The following BANP variants were observed in gnomAD, a reference collection of about 807,000 sequenced individuals.
The protein encoded by BANP is BTG3 associated nuclear protein.
A neutral mutation model predicts 68.1 loss-of-function variants in BANP; 11 were observed. The ratio of observed to expected loss-of-function variants is 0.16; its 90% CI spans 0.10 to 0.27. The LOEUF (loss-of-function observed/expected upper bound fraction) is 0.27, where lower values mean the gene tolerates loss of function less well. Ranked by LOEUF, BANP falls within the 10% of genes least tolerant of loss-of-function variation. The pLI is 1.00. For missense variants in BANP, 504 were observed against 722.7 expected (o/e 0.70, Z 3.47); for synonymous variants, 329 against 303.2 (o/e 1.09, Z -0.88).
chr16:87,985,918 A>T (rs2064298531), intron 4 of BANP, among the ~76,000 whole-genome samples: 1 of 152,220 alleles, frequency 6.6e-6, no homozygotes, highest in African/African-American at 2.4e-5. Context: ...GACTGTGCAA[A>T]AATGTTTTGT....
rs935046822 is a variant in BANP, at chr16:87,957,668, T to C, written c.-69+6153T>C. 6.6e-6 allele frequency among the ~76,000 whole-genome samples: 1 copy of C among 152,272 alleles called. No individual in the cohort carries two copies. ...ATATCTGGAAGCAAAGCTTAATCTT[T>C]CTGAAAGTAGAAACGCGTTTGGATG... On this transcript the variant is annotated intron_variant, in intron 1 of 13. Coordinates refer to ENST00000682872, the MANE Select transcript of BANP (RefSeq NM_001386991.1). The surrounding 1 kb of genome is among the most constrained non-coding windows in gnomAD (Gnocchi z 4.3).
intron 11 of BANP, among the ~76,000 whole-genome samples, chr16:88,040,435 G>A (rs2080472725): frequency 6.6e-6 from 1 of 152,050 alleles, no homozygotes; most frequent in Non-Finnish European, 1.5e-5. Context: ...CCCGAGCAGT[G>A]CGGGGGTCAC....
At position 88,003,904 on chromosome 16, in the gene BANP, G is replaced by A. The variant is rs2070175366; in HGVS notation, c.363-391G>A. ...GAGTTGGGATGGAGTGACTGAAAAT[G>A]TCAAGCCAGTTCTCATGCAAGTGTG... On this transcript the variant is annotated intron_variant, in intron 4 of 13. Transcript: ENST00000682872. This position sits in a 1 kb window ranked among gnomAD's most constrained non-coding sequence, Gnocchi z 6.1. 3.3e-6 allele frequency: 1 copy of A among 299,880 alleles called. No individual in the cohort carries two copies. The highest frequency in any genetic ancestry group is 6.4e-6 in the Non-Finnish European group (1 of 155,074). 18.6% of individuals were successfully genotyped at this position (299,880 alleles called of 1,614,324 possible).
At chr16:87,992,111 C>G (rs186013193) in intron 4 of BANP, among the ~76,000 whole-genome samples, 1 of 152,110 alleles carries the variant, frequency 6.6e-6, no homozygotes, top group Non-Finnish European at 1.5e-5. Flanking sequence ...CTGTATCTTC[C>G]GAGATGATGG....
chr16:87,983,350 A>G (rs925763594), intron 3 of BANP, among the ~76,000 whole-genome samples: 3 of 152,050 alleles, frequency 2.0e-5, no homozygotes, highest in African/African-American at 4.8e-5. Context: ...ACACGTTTCC[A>G]CGTGTGCTCA....
At chr16:87,981,920 A>G (rs999072948) in intron 3 of BANP, among the ~76,000 whole-genome samples, 4 of 152,276 alleles carry the variant, frequency 2.6e-5, no homozygotes, top group African/African-American at 9.6e-5. Flanking sequence ...CGAGGTAAAT[A>G]TCGGCACATG....
At chr16:87,960,966 A>G (rs1365311958) in intron 1 of BANP, among the ~76,000 whole-genome samples, 1 of 152,204 alleles carries the variant, frequency 6.6e-6, no homozygotes, top group Non-Finnish European at 1.5e-5. Context: ...CTCCCAATAA[A>G]TCAGATGCCA....
At position 88,033,222 on chromosome 16, in the gene BANP, G is replaced by C; in HGVS notation, c.1177G>C (p.Gly393Arg). 1.2e-6 allele frequency: 2 copies of C among 1,606,238 alleles called. No homozygotes were observed. Among genetic ancestry groups the C allele is most frequent in the Non-Finnish European group, 1.7e-6 (2 of 1,174,382 alleles). ...NAQQVQIHQI[G>R]EDGQVQVIPQ... ...ACAGCAGGTGCAGATCCACCAGATC[G>C]GAGAAGACGGACAGGTGCAAGTAGT... The change falls in exon 9 of 14, where the codon GGA becomes CGA. Residue 393 changes from glycine to arginine, a missense_variant. Coordinates refer to ENST00000682872, the MANE Select transcript of BANP (RefSeq NM_001386991.1).
chr16:88,058,636 G>C (rs2085798759), intron 11 of BANP, among the ~76,000 whole-genome samples: 1 of 152,150 alleles, frequency 6.6e-6, no homozygotes, highest in Non-Finnish European at 1.5e-5. Flanking sequence ...TCTCTAAGGA[G>C]TCGCAGCCCC....
At chr16:88,045,387 C>T (rs928971741) in intron 11 of BANP, among the ~76,000 whole-genome samples, 4 of 152,238 alleles carry the variant, frequency 2.6e-5, no homozygotes, top group Admixed American at 2.0e-4. Context: ...TTGAGCGTTT[C>T]TTGCAGGAGA....
chr16:88,065,019 G>T lies in BANP; in HGVS notation c.1312-248G>T, dbSNP rs574080802. Among the ~76,000 whole-genome samples the T allele has an allele frequency of 2.0e-5, 3 of 152,352 alleles. No individual in the cohort carries two copies. The South Asian group carries it at 6.2e-4, about 32-fold the overall frequency. ...TTGCTCTCCCTGCAGCTGCCAGCCC[G>T]CCCTGAAGGCACGGACTGCCAGGCC... On this transcript the variant is annotated intron_variant, in intron 11 of 13. Transcript: ENST00000682872.
chr16:87,987,569 TAAA>T (rs944256186), intron 4 of BANP, among the ~76,000 whole-genome samples: 1 of 149,942 alleles, frequency 6.7e-6, no homozygotes, highest in Non-Finnish European at 1.5e-5. Flanking sequence ...CACAAAAAAA[TAAA>T]AAAAATTAGC....
chr16:88,024,575 G>A (rs2076619437), intron 7 of BANP, among the ~76,000 whole-genome samples: 1 of 152,248 alleles, frequency 6.6e-6, no homozygotes, highest in Admixed American at 6.5e-5. Context: ...CCAGACGTGG[G>A]CGCTTGCCCC....
At chr16:88,041,475 C>G (rs2080776539) in intron 11 of BANP, among the ~76,000 whole-genome samples, 1 of 152,192 alleles carries the variant, frequency 6.6e-6, no homozygotes, top group African/African-American at 2.4e-5. Context: ...CCACAGTTGC[C>G]ATTTGCTGTC....
intron 9 of BANP, among the ~76,000 whole-genome samples, chr16:88,034,612 C>CTT (rs10668762): frequency 5.3e-5 from 8 of 151,862 alleles, no homozygotes; most frequent in East Asian, 1.9e-4. Context: ...CCACACACTG[C>CTT]GTAGCCTCCC....
In BANP at chr16:88,004,284, T is replaced by C. The variant is rs1266360463; in HGVS notation, c.363-11T>C. On this transcript the variant is annotated splice_polypyrimidine_tract_variant and intron_variant, in intron 4 of 13. Transcript: ENST00000682872. This position sits in a 1 kb window ranked among gnomAD's most constrained non-coding sequence, Gnocchi z 7.0. ...GGCCTTCTTTTTCTTTGTGATTCTT[T>C]TGTTCCCTAGCGTCGTCCCCCAGAC... The C allele has an allele frequency of 6.8e-7, 1 of 1,469,932 alleles. No individual in the cohort carries two copies. 91.1% of individuals were successfully genotyped at this position (1,469,932 alleles called of 1,614,324 possible).
intron 7 of BANP, among the ~76,000 whole-genome samples, chr16:88,021,556 C>T (rs1041477711): frequency 3.3e-5 from 5 of 152,186 alleles, no homozygotes; most frequent in African/African-American, 9.6e-5. Flanking sequence ...GGCGTGCCTG[C>T]GTGGCTCGTG....
intron 4 of BANP, among the ~76,000 whole-genome samples, chr16:88,001,256 TTA>T (rs1491156652): frequency 0.16 from 22,242 of 137,080 alleles, 2,531 homozygotes; most frequent in East Asian, 0.25. Flanking sequence ...GCGGCTGGAC[TTA>T]CCTGTCCTTC....
chr16:87,959,845 G>A lies in BANP; in HGVS notation c.-69+8330G>A, dbSNP rs140564690. 4.6e-5 allele frequency: 7 copies of A among 152,998 alleles called. No homozygotes were observed. The East Asian group carries it at 1.3e-3, about 29-fold the overall frequency. The allele number at this position is 152,998 out of a possible 1,614,324, so 9.5% of individuals were successfully genotyped here. A position where few individuals can be genotyped will look rare whatever the true frequency, so the allele number is the denominator to read the frequency against. On this transcript the variant is annotated intron_variant, in intron 1 of 13. Transcript: ENST00000682872. ...AGAGCAGGGCGATGAGGGTGGGGCC[G>A]CAGGGAGGTGGCCGGGACTCCTGGT... is the stretch of plus-strand genomic sequence containing the variant.
Sources: gnomAD v4.1 joint callset for allele counts (sites outside exome capture counted in the v4.1 genomes callset) on GRCh38, gnomAD v4.1.1 for gene constraint, Gnocchi (gnomAD v3.1) non-coding constraint, MANE v1.5 for transcripts, NCBI Gene and HGNC (gene_info 2026-07-23, HGNC 2026-07-21) for gene names.